The following SMAD3 variants were observed in gnomAD, a reference collection of about 807,000 sequenced individuals.
The protein encoded by SMAD3 is SMAD family member 3.
Under a neutral mutation model 51.8 loss-of-function variants are expected in SMAD3, and 12 were observed. The ratio of observed to expected loss-of-function variants is 0.23; its 90% confidence interval spans 0.15 to 0.38. SMAD3 has a LOEUF of 0.38. Ranked by LOEUF, SMAD3 falls within the 10% of genes least tolerant of loss-of-function variation. The probability of loss-of-function intolerance (pLI) is 1.00; values close to 1 mark genes in which losing one functional copy is unlikely to be tolerated. For synonymous variants in SMAD3, 238 were observed against 227.7 expected (o/e 1.05, Z -0.41); for missense variants, 294 against 565.6 (o/e 0.52, Z 4.87).
intron 1 of SMAD3, among the ~76,000 whole-genome samples, chr15:67,067,740 G>C (rs924202177): frequency 1.3e-5 from 2 of 152,180 alleles, no homozygotes; most frequent in East Asian, 3.8e-4. Context: ...GTCAATAAAG[G>C]GGGAGGGAAG....
At chr15:67,163,221 G>T (rs186324595) in intron 1 of SMAD3, among the ~76,000 whole-genome samples, 1 of 152,120 alleles carries the variant, frequency 6.6e-6, no homozygotes, top group African/African-American at 2.4e-5. Flanking sequence ...CGATCCACCC[G>T]CCTCGGCCTC....
intron 1 of SMAD3, among the ~76,000 whole-genome samples, chr15:67,126,260 TGAG>T (rs1961384636): frequency 6.6e-6 from 1 of 151,988 alleles, no homozygotes. Context: ...TGTTTACAGA[TGAG>T]GAGATTGAGG....
At chr15:67,155,613 A>G (rs745975020) in intron 1 of SMAD3, among the ~76,000 whole-genome samples, 14 of 152,192 alleles carry the variant, frequency 9.2e-5, no homozygotes, top group Admixed American at 2.0e-4. Context: ...ACTTCACCCA[A>G]ACTTGAAGTC....
At chr15:67,179,433 C>G (rs1403503569) in intron 5 of SMAD3, among the ~76,000 whole-genome samples, 1 of 152,088 alleles carries the variant, frequency 6.6e-6, no homozygotes, top group Non-Finnish European at 1.5e-5. Flanking sequence ...ATCCACCCAC[C>G]CAACAAAGAA....
At chr15:67,111,961 T>C (rs1961023492) in intron 1 of SMAD3, among the ~76,000 whole-genome samples, 1 of 151,334 alleles carries the variant, frequency 6.6e-6, no homozygotes, top group African/African-American at 2.4e-5. Flanking sequence ...CTAATTTTTG[T>C]ATTTTTAGTA....
At chr15:67,172,933 A>G (rs1962790400) in intron 5 of SMAD3, among the ~76,000 whole-genome samples, 1 of 152,040 alleles carries the variant, frequency 6.6e-6, no homozygotes, top group South Asian at 2.1e-4. Context: ...GCCTGCTTGT[A>G]TGCCTCTTCC....
intron 1 of SMAD3, among the ~76,000 whole-genome samples, chr15:67,115,030 C>T (rs1207133497): frequency 6.6e-6 from 1 of 152,176 alleles, no homozygotes; most frequent in Non-Finnish European, 1.5e-5. Flanking sequence ...CCCTATCTTA[C>T]CCATATGGAC....
chr15:67,101,319 C>A (rs1960750965), intron 1 of SMAD3, among the ~76,000 whole-genome samples: 1 of 152,226 alleles, frequency 6.6e-6, no homozygotes, highest in South Asian at 2.1e-4. Context: ...ACTCTACTTT[C>A]AAACCCTGTT....
intron 1 of SMAD3, among the ~76,000 whole-genome samples, chr15:67,099,410 C>T (rs1387349345): frequency 2.6e-5 from 4 of 152,140 alleles, no homozygotes; most frequent in Non-Finnish European, 5.9e-5. Flanking sequence ...TGTTGTAAGT[C>T]ATTTTGAAAA....
chr15:67,135,605 T>TA (rs1961640186), intron 1 of SMAD3, among the ~76,000 whole-genome samples: 1 of 152,202 alleles, frequency 6.6e-6, no homozygotes. Flanking sequence ...GAAGACAAGT[T>TA]AATACATTGC....
At chr15:67,158,777 C>T (rs1962349297) in intron 1 of SMAD3, among the ~76,000 whole-genome samples, 1 of 152,228 alleles carries the variant, frequency 6.6e-6, no homozygotes, top group South Asian at 2.1e-4. Flanking sequence ...ACCAGACAGA[C>T]ATGAGGACTC....
intron 1 of SMAD3, among the ~76,000 whole-genome samples, chr15:67,136,901 C>T (rs1461377037): frequency 6.6e-6 from 1 of 152,166 alleles, no homozygotes; most frequent in Non-Finnish European, 1.5e-5. Flanking sequence ...GCAGACAGGC[C>T]CCATTGACCA....
chr15:67,100,707 G>T (rs4776890), intron 1 of SMAD3, among the ~76,000 whole-genome samples: 90,733 of 151,802 alleles, frequency 0.6, 27,745 homozygotes, highest in South Asian at 0.82. Flanking sequence ...GTTTCTGATA[G>T]GTTTGTATTG....
intron 1 of SMAD3, among the ~76,000 whole-genome samples, chr15:67,140,728 G>A (rs1040699475): frequency 6.6e-6 from 1 of 152,174 alleles, no homozygotes; most frequent in Non-Finnish European, 1.5e-5. Flanking sequence ...CAGTCTCTTC[G>A]AGTTCTGTTT....
chr15:67,146,593 C>T (rs997617371), intron 1 of SMAD3, among the ~76,000 whole-genome samples: 14 of 152,094 alleles, frequency 9.2e-5, no homozygotes, highest in Non-Finnish European at 1.3e-4. Context: ...CTCTCAGACA[C>T]TTATATGGAA....
chr15:67,176,528 C>T (rs780561250), intron 5 of SMAD3, among the ~76,000 whole-genome samples: 10 of 152,254 alleles, frequency 6.6e-5, no homozygotes, highest in Non-Finnish European at 1.2e-4. Flanking sequence ...AGTTAATTTC[C>T]CCCCTTGCCT....
intron 1 of SMAD3, among the ~76,000 whole-genome samples, chr15:67,078,418 C>G (rs1960216246): frequency 6.6e-6 from 1 of 152,184 alleles, no homozygotes; most frequent in South Asian, 2.1e-4. Flanking sequence ...CTTTCCAATT[C>G]CAGACCACAC....
chr15:67,120,910 A>T (rs1224865590), intron 1 of SMAD3, among the ~76,000 whole-genome samples: 1 of 152,068 alleles, frequency 6.6e-6, no homozygotes, highest in East Asian at 1.9e-4. Flanking sequence ...AGCGTATTTT[A>T]TGTGTGGCCC....
intron 4 of SMAD3, among the ~76,000 whole-genome samples, chr15:67,169,995 C>A (rs997500200): frequency 4.6e-5 from 7 of 152,140 alleles, no homozygotes. Flanking sequence ...TGCAGGGTTT[C>A]TGAGGCAGGT....
Sources: gnomAD v4.1 joint callset for allele counts (sites outside exome capture counted in the v4.1 genomes callset) on GRCh38, gnomAD v4.1.1 for gene constraint, MANE v1.5 for transcripts, NCBI Gene and HGNC (gene_info 2026-07-23, HGNC 2026-07-21) for gene names.